The following PBLD variants were observed in gnomAD, a reference collection of about 807,000 sequenced individuals.
PBLD encodes phenazine biosynthesis like protein domain containing.
A neutral mutation model predicts 31.3 loss-of-function variants in PBLD; 26 were observed. The observed-to-expected ratio is 0.83, with a 90% CI of 0.61 to 1.15. The LOEUF (loss-of-function observed/expected upper bound fraction) is 1.15, where lower values mean the gene tolerates loss of function less well. Among genes scored for constraint, PBLD ranks in the 50% most tolerant of loss-of-function variants. PBLD has a pLI of 0.00. For missense variants in PBLD, 307 were observed against 351.7 expected (o/e 0.87, Z 1.02); for synonymous variants, 114 against 129.0 (o/e 0.88, Z 0.79).
intron 2 of PBLD, among the ~76,000 whole-genome samples, chr10:68,304,400 T>TAA (rs1277436835): frequency 6.6e-6 from 1 of 152,214 alleles, no homozygotes; most frequent in Non-Finnish European, 1.5e-5. Context: ...GAAAACTCTT[T>TAA]AGAGAGCATC....
intron 2 of PBLD, among the ~76,000 whole-genome samples, chr10:68,302,340 A>G (rs895614127): frequency 1.3e-4 from 20 of 152,220 alleles, no homozygotes; most frequent in Non-Finnish European, 2.4e-4. Flanking sequence ...TATGACCCAC[A>G]AAGATTAATG....
At chr10:68,303,317 C>T (rs1461070280) in intron 2 of PBLD, among the ~76,000 whole-genome samples, 1 of 151,932 alleles carries the variant, frequency 6.6e-6, no homozygotes, top group African/African-American at 2.4e-5. Flanking sequence ...AACTCCTGAC[C>T]TCAGGTGATC....
Position 68,297,959 on chromosome 10 carries a change from T to TTA in PBLD, c.85-975_85-974insTA, listed in dbSNP as rs113480498. ...CTGTCTCTGTAAAAAAAGATTTAAA[T>TTA]AAAAAAAAAAAGAGTAAGGGCTTTA... is the stretch of plus-strand genomic sequence containing the variant. On this transcript the variant is annotated intron_variant, in intron 2 of 9. Coordinates refer to ENST00000358769, the MANE Select transcript of PBLD (RefSeq NM_022129.4). 2.7e-5 allele frequency among the ~76,000 whole-genome samples: 4 copies of TTA among 148,198 alleles called. No individual in the cohort carries two copies. In the East Asian group the frequency reaches 6.0e-4, roughly 22 times the overall value.
In PBLD at chr10:68,308,738, G is replaced by C. The variant is rs538413140; in HGVS notation, c.-59-1835C>G. Among the ~76,000 whole-genome samples the C allele has an allele frequency of 2.0e-3, 307 of 149,922 alleles. 6 individuals are homozygous for C. Among genetic ancestry groups the C allele is most frequent in the Non-Finnish European group, 3.7e-3 (250 of 67,672 alleles). On this transcript the variant is annotated intron_variant, in intron 1 of 9. Coordinates refer to ENST00000358769, the MANE Select transcript of PBLD (RefSeq NM_022129.4). ...TTATTTTTTGTAGAGACAGGGTTTC[G>C]CCATGTTGGCCAGGCTGGTCTGGAA...
chr10:68,292,771 A>C (rs559765938), intron 4 of PBLD, among the ~76,000 whole-genome samples: 5 of 152,282 alleles, frequency 3.3e-5, no homozygotes, highest in Middle Eastern at 3.4e-3. Flanking sequence ...CGGCCTCCCA[A>C]AATGCTGGGA....
intron 3 of PBLD, 128 bp downstream of exon 3, chr10:68,296,758 C>T (rs3740589): frequency 0.39 from 308,657 of 791,410 alleles, 61,546 homozygotes; most frequent in Non-Finnish European, 0.43. Context: ...AATGCCAGCA[C>T]TTCGGGAGGC....
chr10:68,319,142 G>A (rs2044793326), intron 1 of PBLD, among the ~76,000 whole-genome samples: 1 of 147,132 alleles, frequency 6.8e-6, no homozygotes, highest in Admixed American at 6.8e-5. Context: ...AGGAGAAATA[G>A]CAATGGAACA....
intron 1 of PBLD, among the ~76,000 whole-genome samples, chr10:68,308,356 G>A (rs146686586): frequency 1.4e-3 from 217 of 152,218 alleles, no homozygotes; most frequent in African/African-American, 4.6e-3. Context: ...TTTCTTCTGT[G>A]TTCCTGATTC....
chr10:68,283,856 C>T lies in PBLD; in HGVS notation c.*321G>A. ...TGCCTCCTGGGTTCAAGCGATTCTC[C>T]ATGCCTCAGCCTCCCAAGTAGCTGG... On this transcript the variant is annotated 3_prime_UTR_variant, in exon 10 of 10. Transcript: ENST00000358769. 3.9e-6 allele frequency: 1 copy of T among 253,590 alleles called. No homozygotes were observed. Among genetic ancestry groups the T allele is most frequent in the Non-Finnish European group, 7.7e-6 (1 of 129,206 alleles). The allele number at this position is 253,590 out of a possible 1,614,324, so 15.7% of individuals were successfully genotyped here. A position where few individuals can be genotyped will look rare whatever the true frequency, so the allele number is the denominator to read the frequency against.
At chr10:68,327,598 C>G (rs1287986556) in intron 1 of PBLD, among the ~76,000 whole-genome samples, 1 of 146,252 alleles carries the variant, frequency 6.8e-6, no homozygotes, top group East Asian at 2.0e-4. Flanking sequence ...CGCTTGAACC[C>G]AGGAGCCAGA....
chr10:68,312,058 C>T (rs982038955), intron 1 of PBLD, among the ~76,000 whole-genome samples: 2 of 152,202 alleles, frequency 1.3e-5, no homozygotes, highest in African/African-American at 4.8e-5. Context: ...TATCATAAGT[C>T]AGGGGCCATC....
At chr10:68,305,839 A>ATGTAT (rs1249483984) in intron 2 of PBLD, among the ~76,000 whole-genome samples, 3 of 152,184 alleles carry the variant, frequency 2.0e-5, no homozygotes, top group South Asian at 2.1e-4. Flanking sequence ...CAGCATTTTC[A>ATGTAT]AAGTTCCTTG....
chr10:68,305,214 A>G (rs1209915905), intron 2 of PBLD, among the ~76,000 whole-genome samples: 1 of 152,114 alleles, frequency 6.6e-6, no homozygotes, highest in African/African-American at 2.4e-5. Flanking sequence ...AAAGTTTTAA[A>G]AAATAAAAAA....
chr10:68,296,841 C>T (rs956475802), intron 3 of PBLD, 45 bp downstream of exon 3: 1 of 1,498,960 alleles, frequency 6.7e-7, no homozygotes, highest in Admixed American at 1.7e-5. Context: ...TGCACTCCAG[C>T]CCGTGCGACA....
In PBLD at chr10:68,288,623, A is replaced by G. The variant is rs760872421; in HGVS notation, c.551T>C (p.Leu184Pro). 1.9e-6 allele frequency: 3 copies of G among 1,614,190 alleles called. No individual in the cohort carries two copies. In the Admixed American group the frequency reaches 5.0e-5, roughly 27 times the overall value. Reference sequence around the variant, plus strand: ...CTTCCCTGTGTTTTCAACTTGCAGCAGATTCTCCGTGTTCACTTTCAGGTT... The same window carrying G: ...CTTCCCTGTGTTTTCAACTTGCAGCGGATTCTCCGTGTTCACTTTCAGGTT... ...LENLKVNTEN[L>P]LQVENTGKVK... Residue 184 changes from leucine to proline, a missense_variant, in exon 8 of 10, where the codon CTG becomes CCG. Physicochemically the swap from Leu to Pro is moderately conservative, Grantham distance 98. Coordinates refer to ENST00000358769, the MANE Select transcript of PBLD (RefSeq NM_022129.4).
At chr10:68,326,250 G>T (rs1373061762) in intron 1 of PBLD, among the ~76,000 whole-genome samples, 1 of 152,010 alleles carries the variant, frequency 6.6e-6, no homozygotes, top group African/African-American at 2.4e-5. Context: ...ATGTTGCCCA[G>T]GCTGATCTTG....
At chr10:68,296,053 C>T (rs1413404556) in intron 4 of PBLD, 7 of 401,532 alleles carry the variant, frequency 1.7e-5, no homozygotes, top group South Asian at 1.3e-4. Context: ...GCATTCTGAT[C>T]GCAGCTTTCC....
At chr10:68,285,323 A>G (rs2044272470) in intron 9 of PBLD, 25 bp downstream of exon 9, 3 of 1,614,096 alleles carry the variant, frequency 1.9e-6, no homozygotes, top group Non-Finnish European at 2.5e-6. Context: ...CAAATAAAAA[A>G]GAAATTGGTA....
intron 2 of PBLD, among the ~76,000 whole-genome samples, chr10:68,306,138 T>A (rs1489070622): frequency 2.2e-5 from 2 of 91,592 alleles, no homozygotes; most frequent in Non-Finnish European, 4.4e-5. Flanking sequence ...AACTATTCTA[T>A]TAATATTTAT....
Sources: allele counts gnomAD v4.1 joint callset (sites outside exome capture counted in the v4.1 genomes callset), GRCh38; gene constraint gnomAD v4.1.1; transcripts MANE v1.5; gene names NCBI Gene and HGNC (gene_info 2026-07-23, HGNC 2026-07-21).